Variants in RIMS2 observed in about 807,000 individuals in gnomAD.
The protein encoded by RIMS2 is regulating synaptic membrane exocytosis protein 2.
RIMS2 carries 59 observed loss-of-function variants against 174.4 expected under a neutral mutation model. That is an observed-to-expected ratio of 0.34 (90% CI 0.27 to 0.42). The LOEUF (loss-of-function observed/expected upper bound fraction) is 0.42. Among genes scored for constraint, RIMS2 ranks in the 10% least tolerant of loss-of-function variants. RIMS2 has a pLI of 1.00. For synonymous variants in RIMS2, 606 were observed against 572.5 expected (o/e 1.06, Z -0.84); for missense variants, 1,620 against 1,666.3 (o/e 0.97, Z 0.48).
At position 103,709,952 on chromosome 8, in the gene RIMS2, C is replaced by A. The variant is rs886326303; in HGVS notation, c.387+12656C>A. ...AGATTTTAGCTCAAGGAAGACATCC[C>A]TGGATTTCTTTCATTAGTTTTTCTA... On this transcript the variant is annotated intron_variant, in intron 2 of 23. Transcript: ENST00000504942. Among the ~76,000 whole-genome samples the A allele has an allele frequency of 5.9e-5, 9 of 152,222 alleles. 1 individual carries two copies. The highest frequency in any genetic ancestry group is 3.3e-4 in the Admixed American group (5 of 15,296).
chr8:103,675,517 A>G (rs1188386877), intron 1 of RIMS2, among the ~76,000 whole-genome samples: 1 of 152,176 alleles, frequency 6.6e-6, no homozygotes, highest in Non-Finnish European at 1.5e-5. Flanking sequence ...GCCTGTCCAG[A>G]TCCCAGAACC....
intron 3 of RIMS2, among the ~76,000 whole-genome samples, chr8:103,829,086 GTTTT>G (rs34072454): frequency 7.4e-6 from 1 of 134,622 alleles, no homozygotes; most frequent in African/African-American, 2.8e-5. Context: ...TTAATAATAG[GTTTT>G]TTTTTTTTTT....
At chr8:104,008,851 T>G (rs2095668791) in intron 17 of RIMS2, among the ~76,000 whole-genome samples, 1 of 152,072 alleles carries the variant, frequency 6.6e-6, no homozygotes, top group Non-Finnish European at 1.5e-5. Flanking sequence ...TCTTTACATC[T>G]AACTCAACAG....
intron 1 of RIMS2, among the ~76,000 whole-genome samples, chr8:103,524,584 G>A (rs1833119356): frequency 6.6e-6 from 1 of 152,148 alleles, no homozygotes; most frequent in Admixed American, 6.5e-5. Context: ...GGAAAATGGT[G>A]TTAAACAGCT....
chr8:104,135,384 C>T (rs75853761), intron 19 of RIMS2, among the ~76,000 whole-genome samples: 32,019 of 151,804 alleles, frequency 0.21, 3,853 homozygotes, highest in East Asian at 0.57. Context: ...ATGGCTCAAG[C>T]CCAGAAGTAG....
At position 103,768,526 on chromosome 8, in the gene RIMS2, C is replaced by T. The variant is rs2098207853; in HGVS notation, c.698+1989C>T. ...GCCTGCTAATGAGTAAGGGGCATTC[C>T]TGTTACAGACCAAGGAGAACTGGAG... On this transcript the variant is annotated intron_variant, in intron 3 of 23. Coordinates refer to ENST00000504942, the Ensembl canonical transcript of RIMS2. The T allele has an allele frequency of 4.9e-6, 7 of 1,416,372 alleles. No homozygotes were observed. In the African/African-American group the frequency reaches 8.4e-5, roughly 17 times the overall value. 87.7% of individuals were successfully genotyped at this position (1,416,372 alleles called of 1,614,324 possible).
At chr8:103,824,784 C>T (rs1321472624) in intron 3 of RIMS2, among the ~76,000 whole-genome samples, 1 of 152,158 alleles carries the variant, frequency 6.6e-6, no homozygotes, top group African/African-American at 2.4e-5. Flanking sequence ...TAACGTCCAG[C>T]TGCTTACTTA....
intron 19 of RIMS2, among the ~76,000 whole-genome samples, chr8:104,118,076 T>C (rs2098309094): frequency 6.6e-6 from 1 of 152,166 alleles, no homozygotes; most frequent in African/African-American, 2.4e-5. Context: ...GCAAACAAAT[T>C]ATGAGAAGGG....
chr8:103,640,991 A>G (rs979806757), intron 1 of RIMS2, among the ~76,000 whole-genome samples: 1 of 152,160 alleles, frequency 6.6e-6, no homozygotes, highest in African/African-American at 2.4e-5. Flanking sequence ...ATGGTTGCAG[A>G]TGTATCAATT....
intron 19 of RIMS2, among the ~76,000 whole-genome samples, chr8:104,187,892 T>A (rs562322711): frequency 6.1e-4 from 93 of 151,678 alleles, no homozygotes; most frequent in African/African-American, 2.1e-3. Flanking sequence ...TTCTTAGTAA[T>A]TTTTTCAAGA....
At chr8:103,659,440 C>T (rs2096570188) in intron 1 of RIMS2, among the ~76,000 whole-genome samples, 1 of 152,194 alleles carries the variant, frequency 6.6e-6, no homozygotes, top group Non-Finnish European at 1.5e-5. Context: ...AGCTGCACTG[C>T]TCAGGGCCCC....
intron 13 of RIMS2, among the ~76,000 whole-genome samples, chr8:103,937,108 T>A (rs1232763741): frequency 3.5e-5 from 5 of 142,360 alleles, no homozygotes; most frequent in African/African-American, 1.3e-4. Flanking sequence ...AAAAAAAAAA[T>A]AATTAAAGAT....
chr8:103,985,614 C>T (rs2094302468), intron 16 of RIMS2, among the ~76,000 whole-genome samples: 1 of 148,608 alleles, frequency 6.7e-6, no homozygotes, highest in South Asian at 2.2e-4. Flanking sequence ...TCCATAAATA[C>T]ATACACCTAC....
intron 3 of RIMS2, among the ~76,000 whole-genome samples, chr8:103,776,349 C>T (rs1394104078): frequency 6.6e-6 from 1 of 151,904 alleles, no homozygotes; most frequent in East Asian, 1.9e-4. Flanking sequence ...GTGCCATTTG[C>T]CTTTTGATGT....
chr8:103,949,147 A>AAAT, intron 14 of RIMS2, among the ~76,000 whole-genome samples: 1 of 105,092 alleles, frequency 9.5e-6, no homozygotes, highest in Non-Finnish European at 2.4e-5. Context: ...AAAAAAAAAA[A>AAAT]GGGAAAGGGA....
chr8:104,172,218 C>T (rs2098836529), intron 19 of RIMS2, among the ~76,000 whole-genome samples: 1 of 152,110 alleles, frequency 6.6e-6, no homozygotes, highest in Non-Finnish European at 1.5e-5. Flanking sequence ...GAGGTCCCAG[C>T]CTTGATGAAG....
chr8:104,251,955 C>G (rs1247491657), downstream of RIMS2: 1 of 634,084 alleles, frequency 1.6e-6, no homozygotes, highest in African/African-American at 1.8e-5. Context: ...ACAAAGCAAT[C>G]CTGTGTTCTC....
At position 104,119,072 on chromosome 8, in the gene RIMS2, G is replaced by A. The variant is rs374652662; in HGVS notation, c.3334+104457G>A. 1.5e-4 allele frequency among the ~76,000 whole-genome samples: 23 copies of A among 152,140 alleles called. No homozygotes were observed. The East Asian group carries it at 2.9e-3, about 19-fold the overall frequency. ...ACGGACACGTACAAATTTAGGCCAG[G>A]CGTGGTGGCTCAGGCCTGTAATCCC... On this transcript the variant is annotated intron_variant, in intron 19 of 23. Transcript: ENST00000504942.
intron 3 of RIMS2, among the ~76,000 whole-genome samples, chr8:103,862,790 GA>G (rs541939999): frequency 3.1e-3 from 470 of 152,112 alleles, no homozygotes; most frequent in Non-Finnish European, 4.5e-3. Flanking sequence ...TTTGTGTATA[GA>G]AAAGCTACTG....
Sources: gnomAD v4.1 joint callset for allele counts (sites outside exome capture counted in the v4.1 genomes callset) on GRCh38, gnomAD v4.1.1 for gene constraint, MANE v1.5 for transcripts, NCBI Gene and HGNC (gene_info 2026-07-23, HGNC 2026-07-21) for gene names.